NCMAP: variants seen among roughly 807,000 people sequenced by gnomAD.
The protein encoded by NCMAP is noncompact myelin-associated protein.
A neutral mutation model predicts 7.8 loss-of-function variants in NCMAP; 8 were observed. The observed-to-expected ratio is 1.02, with a 90% CI of 0.60 to 1.84. NCMAP has a LOEUF of 1.84. Among genes scored for constraint, NCMAP ranks in the 40% most tolerant of loss-of-function variants. The probability of loss-of-function intolerance (pLI) is 0.00; values close to 1 mark genes in which losing one functional copy is unlikely to be tolerated. For synonymous variants in NCMAP, 41 were observed against 52.9 expected (o/e 0.78, Z 0.98); for missense variants, 112 against 131.4 (o/e 0.85, Z 0.72).
intron 1 of NCMAP, among the ~76,000 whole-genome samples, chr1:24,564,533 C>CA (rs1237685346): frequency 6.1e-5 from 5 of 82,272 alleles, no homozygotes; most frequent in South Asian, 3.5e-4. Flanking sequence ...AAAAAAAAAA[C>CA]AAAAAAAAAC....
rs1651605073 is a variant in NCMAP, at chr1:24,577,401, G to GTTTTTTTTTGTTTTTTTTTTTTTTTTT, written c.-7-18014_-7-18013insGTTTTTTTTTTTTTTTTTTTTTTTTTT. 2.3e-4 allele frequency among the ~76,000 whole-genome samples: 9 copies of GTTTTTTTTTGTTTTTTTTTTTTTTTTT among 39,966 alleles called. 1 individual carries two copies. Among genetic ancestry groups the GTTTTTTTTTGTTTTTTTTTTTTTTTTT allele is most frequent in the African/African-American group, 5.3e-4 (5 of 9,426 alleles). 26.2% of individuals were successfully genotyped at this position (39,966 alleles called of 152,430 possible). A position where few individuals can be genotyped will look rare whatever the true frequency, so the allele number is the denominator to read the frequency against. On this transcript the variant is annotated intron_variant, in intron 1 of 3. Transcript: ENST00000374392. ...GAGTTTCTAAGAAGGCACTGGCCTTGTTTTTTTTTTTTTTTTTTTTTTTTT... is the reference window on the plus strand; with the variant it reads ...GAGTTTCTAAGAAGGCACTGGCCTTGTTTTTTTTTGTTTTTTTTTTTTTTTTTTTTTTTTTTTTTTTTTTTTTTTTTT...
chr1:24,570,101 C>T (rs1197872889), intron 1 of NCMAP, among the ~76,000 whole-genome samples: 1 of 149,576 alleles, frequency 6.7e-6, no homozygotes. Flanking sequence ...TGAGCCACCA[C>T]ACCTGGAAAT....
In NCMAP at chr1:24,606,063, A is replaced by C. The variant is rs1209498897; in HGVS notation, c.*316A>C. On this transcript the variant is annotated 3_prime_UTR_variant, in exon 4 of 4. Transcript: ENST00000374392. ...CCACACTGTAGTTAGACAGATAGAC[A>C]GATAGCCCAGGAGCCAGGTGTCAGG... The C allele has an allele frequency of 6.8e-6, 2 of 295,988 alleles. No individual in the cohort carries two copies. The highest frequency in any genetic ancestry group is 1.3e-5 in the Non-Finnish European group (2 of 157,316). The allele number at this position is 295,988 out of a possible 1,614,324, so 18.3% of individuals were successfully genotyped here.
Position 24,605,786 on chromosome 1 carries a change from C to A in NCMAP, c.*39C>A. The A allele has an allele frequency of 1.2e-6, 2 of 1,607,848 alleles. No homozygotes were observed. The highest frequency in any genetic ancestry group is 1.7e-6 in the Non-Finnish European group (2 of 1,175,130). On this transcript the variant is annotated 3_prime_UTR_variant, in exon 4 of 4. Transcript: ENST00000374392. ...GCTATCTCCACCACTGTCCAAAGAG[C>A]CTCTCCAGAGTCAAGACCCAGAGGC...
At chr1:24,564,158 A>G (rs1238591706) in intron 1 of NCMAP, among the ~76,000 whole-genome samples, 1 of 152,190 alleles carries the variant, frequency 6.6e-6, no homozygotes, top group Non-Finnish European at 1.5e-5. Flanking sequence ...GGATGATCAG[A>G]TTGAGAATTA....
At chr1:24,565,433 A>G (rs1249382477) in intron 1 of NCMAP, among the ~76,000 whole-genome samples, 1 of 152,144 alleles carries the variant, frequency 6.6e-6, no homozygotes, top group Non-Finnish European at 1.5e-5. Flanking sequence ...GGAGAGAGTG[A>G]GTCCTAGGCT....
intron 2 of NCMAP, among the ~76,000 whole-genome samples, chr1:24,596,934 C>T (rs1225079301): frequency 6.6e-6 from 1 of 152,036 alleles, no homozygotes; most frequent in Non-Finnish European, 1.5e-5. Context: ...CACATATACC[C>T]CTGGGCATGG....
intron 1 of NCMAP, among the ~76,000 whole-genome samples, chr1:24,570,833 A>G (rs1651369208): frequency 6.6e-6 from 1 of 150,930 alleles, no homozygotes; most frequent in South Asian, 2.1e-4. Flanking sequence ...TCTAGCTCAT[A>G]ATATATGATT....
intron 1 of NCMAP, among the ~76,000 whole-genome samples, chr1:24,569,338 G>T (rs1651322747): frequency 6.8e-6 from 1 of 147,488 alleles, no homozygotes; most frequent in African/African-American, 2.7e-5. Context: ...CCCTCCCTGG[G>T]CACTAGACTT....
At chr1:24,593,341 T>A (rs889813749) in intron 1 of NCMAP, among the ~76,000 whole-genome samples, 2 of 151,710 alleles carry the variant, frequency 1.3e-5, no homozygotes, top group African/African-American at 2.4e-5. Flanking sequence ...AGAGTTTTTT[T>A]AATTAGCCAG....
intron 1 of NCMAP, among the ~76,000 whole-genome samples, chr1:24,580,572 T>C (rs1001357571): frequency 6.6e-6 from 1 of 152,220 alleles, no homozygotes; most frequent in African/African-American, 2.4e-5. Context: ...TGCCTCAGCC[T>C]CCTGAGTAGC....
In NCMAP at chr1:24,602,255, AGG is replaced by A. The variant is rs1320143457; in HGVS notation, c.167+1235_167+1236del. On this transcript the variant is annotated intron_variant, in intron 3 of 3. Transcript: ENST00000374392. ...GATGGCATTGTTAGTTTTTGCTGGG[AGG>A]GGGATGTTCCTAATTTTTGAGGAAT... 3.9e-5 allele frequency among the ~76,000 whole-genome samples: 6 copies of A among 152,072 alleles called. No homozygotes were observed. The East Asian group carries it at 1.2e-3, about 29-fold the overall frequency.
At chr1:24,604,262 A>G (rs1652606154) in intron 3 of NCMAP, among the ~76,000 whole-genome samples, 1 of 152,088 alleles carries the variant, frequency 6.6e-6, no homozygotes, top group Non-Finnish European at 1.5e-5. Context: ...AACTTCCCTG[A>G]AGATTTGACA....
intron 2 of NCMAP, among the ~76,000 whole-genome samples, chr1:24,597,538 G>A (rs1652272524): frequency 1.4e-5 from 1 of 70,722 alleles, no homozygotes; most frequent in Non-Finnish European, 2.7e-5. Flanking sequence ...GGGAGGGGGA[G>A]GGGGAGGGGG....
chr1:24,567,982 C>T (rs1309317702), intron 1 of NCMAP, among the ~76,000 whole-genome samples: 4 of 152,002 alleles, frequency 2.6e-5, no homozygotes, highest in South Asian at 2.1e-4. Flanking sequence ...GGTTCCGCGA[C>T]GCCCTGGCCG....
At chr1:24,569,809 C>T (rs760080472) in intron 1 of NCMAP, among the ~76,000 whole-genome samples, 32 of 150,758 alleles carry the variant, frequency 2.1e-4, no homozygotes, top group Admixed American at 1.3e-4. Flanking sequence ...ACAGTAAGTG[C>T]TCATTAAATG....
intron 3 of NCMAP, 70 bp downstream of exon 3, chr1:24,601,094 A>T: frequency 8.0e-7 from 1 of 1,246,946 alleles, no homozygotes; most frequent in South Asian, 1.2e-5. Flanking sequence ...ATGGGAGGTG[A>T]TATATGGGTG....
intron 1 of NCMAP, among the ~76,000 whole-genome samples, chr1:24,572,763 C>T (rs950249038): frequency 8.0e-5 from 12 of 150,890 alleles, no homozygotes; most frequent in Admixed American, 2.6e-4. Context: ...TTGCCTCGCA[C>T]GTTCCGCACG....
intron 1 of NCMAP, among the ~76,000 whole-genome samples, chr1:24,564,533 C>A (rs183128691): frequency 0.56 from 45,225 of 81,168 alleles, 12,028 homozygotes; most frequent in African/African-American, 0.73. Flanking sequence ...AAAAAAAAAA[C>A]AAAAAAAAAC....
Sources: allele counts gnomAD v4.1 joint callset (sites outside exome capture counted in the v4.1 genomes callset), GRCh38; gene constraint gnomAD v4.1.1; transcripts MANE v1.5; gene names NCBI Gene and HGNC (gene_info 2026-07-23, HGNC 2026-07-21).